SH3BP4: variants seen among roughly 807,000 people sequenced by gnomAD.
The protein encoded by SH3BP4 is SH3 domain binding protein 4, also known as SH3 domain-binding protein 4.
A neutral mutation model predicts 65.5 loss-of-function variants in SH3BP4; 33 were observed. That is an observed-to-expected ratio of 0.50 (90% confidence interval 0.38 to 0.67). The LOEUF (loss-of-function observed/expected upper bound fraction) is 0.67, where lower values mean the gene tolerates loss of function less well. Ranked by LOEUF, SH3BP4 falls within the 30% of genes least tolerant of loss-of-function variation. The pLI, the probability that SH3BP4 is intolerant of heterozygous loss-of-function variation, is 0.00. For missense variants in SH3BP4, 1,134 were observed against 1,261.4 expected, an observed-to-expected ratio of 0.90 and a Z score of 1.53; for synonymous variants, 552 against 545.5, an observed-to-expected ratio of 1.01 and a Z score of -0.17.
Position 234,978,105 on chromosome 2 carries a change from G to A in SH3BP4, c.-206-17198G>A, listed in dbSNP as rs1242509622. On this transcript the variant is annotated intron_variant, in intron 1 of 5. Transcript: ENST00000392011. This position sits in a 1 kb window ranked among gnomAD's most constrained non-coding sequence, Gnocchi z 4.1. ...CGAGTAGCTGGGATTACAGGCATGC[G>A]CCACCATGCCGGCTAATTTTTGTAT... Among the ~76,000 whole-genome samples the A allele has an allele frequency of 6.6e-6, 1 of 152,040 alleles. No homozygotes were observed. Among genetic ancestry groups the A allele is most frequent in the Admixed American group, 6.6e-5 (1 of 15,266 alleles).
chr2:234,954,121 T>G (rs918380131), intron 1 of SH3BP4, among the ~76,000 whole-genome samples: 3 of 152,060 alleles, frequency 2.0e-5, no homozygotes, highest in Non-Finnish European at 4.4e-5. Flanking sequence ...AAATGAACAA[T>G]GACCGGCTGC....
chr2:235,038,366 A>AATATAT (rs1231135377), intron 3 of SH3BP4, among the ~76,000 whole-genome samples: 2 of 39,684 alleles, frequency 5.0e-5, no homozygotes, highest in Non-Finnish European at 8.7e-5. Context: ...ATATATATAT[A>AATATAT]ATATATATAC....
rs141861966 is a variant in SH3BP4 at position 235,042,882 on chromosome 2, G to T, written c.2113G>T (p.Gly705Cys). 6.2e-6 allele frequency: 10 copies of T among 1,613,554 alleles called. No homozygotes were observed. In the East Asian group the frequency reaches 2.2e-4, roughly 36 times the overall value. Residue 705 changes from glycine (G) to cysteine (C), a missense_variant, in exon 4 of 6, where the codon GGC becomes TGC. Coordinates refer to ENST00000392011, the MANE Select transcript of SH3BP4 (RefSeq NM_014521.3). This position sits in a 1 kb window ranked among gnomAD's most constrained non-coding sequence, Gnocchi z 7.3. ...GCTGTGGACCAAGGAGTGGTACATC[G>T]GCTACTACCAGGGCAGGGTGGGCCT... is the stretch of plus-strand genomic sequence containing the variant. ...GQLWTKEWYI[G>C]YYQGRVGLVH... is the part of the protein sequence containing the mutation.
intron 3 of SH3BP4, 107 bp from the exon 4 acceptor site, chr2:235,040,781 G>A (rs942965984): frequency 2.2e-5 from 21 of 951,854 alleles, no homozygotes; most frequent in Admixed American, 6.5e-5. Flanking sequence ...ACTTGCCTGG[G>A]TTATTGTGCA....
rs542392937 is a variant in SH3BP4, at chr2:235,029,025, G to A, written c.-132-5846G>A. Among the ~76,000 whole-genome samples the A allele has an allele frequency of 3.9e-5, 6 of 152,356 alleles. No homozygotes were observed. In the South Asian group the frequency reaches 1.2e-3, roughly 32 times the overall value. On this transcript the variant is annotated intron_variant, in intron 2 of 5. Coordinates refer to ENST00000392011, the MANE Select transcript of SH3BP4 (RefSeq NM_014521.3). ...GAGGGTTTCAAACAGAGTCTGGAGGGTGTCTGACTGACTTTTCAAAATGTT... is the reference window on the plus strand; with the variant it reads ...GAGGGTTTCAAACAGAGTCTGGAGGATGTCTGACTGACTTTTCAAAATGTT...
chr2:235,038,280 ATTATATATAATATATATATTATAT>A lies in SH3BP4; in HGVS notation c.119-2607_119-2584del, dbSNP rs1480325654. Among the ~76,000 whole-genome samples the A allele has an allele frequency of 4.2e-4, 10 of 23,640 alleles. No individual in the cohort carries two copies. The African/African-American group carries it at 5.8e-3, about 14-fold the overall frequency. The allele number at this position is 23,640 out of a possible 152,430, so 15.5% of individuals were successfully genotyped here. A position where few individuals can be genotyped will look rare whatever the true frequency, so the allele number is the denominator to read the frequency against. On this transcript the variant is annotated intron_variant, in intron 3 of 5. Transcript: ENST00000392011. Reference sequence around the variant, plus strand: ...ATAATATATATTATATATAATATATATTATATATAATATATATATTATATATATATATTATATATTATATATATA... The same window carrying A: ...ATAATATATATTATATATAATATATAATATATATTATATATTATATATATA...
At chr2:235,000,473 C>A (rs1263094147) in intron 2 of SH3BP4, among the ~76,000 whole-genome samples, 1 of 152,196 alleles carries the variant, frequency 6.6e-6, no homozygotes, top group Non-Finnish European at 1.5e-5. Flanking sequence ...GAGGGATTAG[C>A]ATGATCCACT....
chr2:234,963,867 A>T lies in SH3BP4; in HGVS notation c.-207+11697A>T, dbSNP rs7607498. ...GTTGGATCTGGCATCTGGTAAAAGCACAGACTTGGTTTTCAGGACCTCTGG... is the reference window on the plus strand; with the variant it reads ...GTTGGATCTGGCATCTGGTAAAAGCTCAGACTTGGTTTTCAGGACCTCTGG... On this transcript the variant is annotated intron_variant, in intron 1 of 5. Transcript: ENST00000392011. 6.1e-3 allele frequency among the ~76,000 whole-genome samples: 932 copies of T among 152,332 alleles called. 6 individuals carry two copies. The highest frequency in any genetic ancestry group is 0.021 in the African/African-American group (875 of 41,564).
chr2:235,011,324 T>C (rs1393692796), intron 2 of SH3BP4, among the ~76,000 whole-genome samples: 1 of 152,220 alleles, frequency 6.6e-6, no homozygotes, highest in East Asian at 1.9e-4. Flanking sequence ...CCTTCATTGT[T>C]ATGTGGCCCT....
chr2:235,037,425 G>T (rs867687883), intron 3 of SH3BP4, among the ~76,000 whole-genome samples: 3 of 152,140 alleles, frequency 2.0e-5, no homozygotes, highest in African/African-American at 7.2e-5. Flanking sequence ...TGAGATCTGT[G>T]ACCATTTCTC....
intron 3 of SH3BP4, among the ~76,000 whole-genome samples, chr2:235,036,998 C>T (rs1161245436): frequency 6.6e-6 from 1 of 152,202 alleles, no homozygotes; most frequent in East Asian, 1.9e-4. Context: ...CCAGAAGCTT[C>T]ACGCACATCC....
intron 2 of SH3BP4, among the ~76,000 whole-genome samples, chr2:235,014,127 C>T (rs562031188): frequency 2.0e-5 from 3 of 152,014 alleles, no homozygotes; most frequent in Admixed American, 6.5e-5. Flanking sequence ...GTGGCTCTTA[C>T]GGTGACATAG....
chr2:235,018,784 C>T (rs1210633852), intron 2 of SH3BP4, among the ~76,000 whole-genome samples: 1 of 152,150 alleles, frequency 6.6e-6, no homozygotes, highest in East Asian at 1.9e-4. Flanking sequence ...CGGGGCACAT[C>T]TGGGAACGGA....
chr2:235,034,994 A>G lies in SH3BP4; in HGVS notation c.-9A>G, dbSNP rs751635926. On this transcript the variant is annotated 5_prime_UTR_variant, in exon 3 of 6. Coordinates refer to ENST00000392011, the MANE Select transcript of SH3BP4 (RefSeq NM_014521.3). This position sits in a 1 kb window ranked among gnomAD's most constrained non-coding sequence, Gnocchi z 6.2. ...CCTTAGCGGCTTTACCCGGGAAGCG[A>G]GTTTCGAGATGGCGGCTCAGCGGAT... The G allele has an allele frequency of 1.5e-5, 24 of 1,612,276 alleles. 1 individual carries two copies. The South Asian group carries it at 2.1e-4, about 14-fold the overall frequency.
chr2:235,022,886 G>T (rs980098249), intron 2 of SH3BP4, among the ~76,000 whole-genome samples: 1 of 152,202 alleles, frequency 6.6e-6, no homozygotes, highest in Non-Finnish European at 1.5e-5. Flanking sequence ...TCAGGGTGGT[G>T]CTCCCTCTGC....
chr2:234,964,958 C>T (rs1156371132), intron 1 of SH3BP4, among the ~76,000 whole-genome samples: 1 of 152,170 alleles, frequency 6.6e-6, no homozygotes, highest in African/African-American at 2.4e-5. Flanking sequence ...ATCTTCACAG[C>T]CCTGGCACTA....
intron 2 of SH3BP4, among the ~76,000 whole-genome samples, chr2:235,006,038 C>G (rs1694282591): frequency 6.6e-6 from 1 of 152,236 alleles, no homozygotes. Context: ...CTGTCTGGCC[C>G]CAGCCACTAA....
chr2:234,988,065 T>C (rs1559233696), intron 1 of SH3BP4, among the ~76,000 whole-genome samples: 1 of 151,584 alleles, frequency 6.6e-6, no homozygotes, highest in Non-Finnish European at 1.5e-5. Context: ...GCCAGCCACA[T>C]TTTTTTTTCT....
rs200576940 is a variant in SH3BP4, at chr2:235,041,168, C to T, written c.399C>T (p.Asp133=). Residue 133 remains aspartate (D), a synonymous_variant, in exon 4 of 6, where the codon GAC becomes GAT. Coordinates refer to ENST00000392011, the MANE Select transcript of SH3BP4 (RefSeq NM_014521.3). This position sits in a 1 kb window ranked among gnomAD's most constrained non-coding sequence, Gnocchi z 6.0. ...TTGATAATCTTCCAGACAGCCCAGA[C>T]GAGGTAGCCAAGGAGCTGGAGCTGC... ...GMIDNLPDSP[D]EVAKELELLG... is the part of the protein sequence containing the mutation. The T allele has an allele frequency of 4.0e-5, 64 of 1,614,008 alleles. No individual in the cohort carries two copies. Among genetic ancestry groups the T allele is most frequent in the Middle Eastern group, 1.6e-4 (1 of 6,084 alleles).
Sources: allele counts gnomAD v4.1 joint callset (sites outside exome capture counted in the v4.1 genomes callset), GRCh38; gene constraint gnomAD v4.1.1; non-coding constraint Gnocchi (gnomAD v3.1); transcripts MANE v1.5; gene names NCBI Gene and HGNC (gene_info 2026-07-23, HGNC 2026-07-21).